The following SLC4A5 variants were observed in gnomAD, a reference collection of about 807,000 sequenced individuals.
SLC4A5 encodes the protein solute carrier family 4 member 5.
In SLC4A5, 96 loss-of-function variants were observed where a neutral mutation model predicts 120.4. The observed-to-expected ratio is 0.80, with a 90% CI of 0.68 to 0.94. SLC4A5 has a LOEUF of 0.94. Among genes scored for constraint, SLC4A5 ranks in the 40% least tolerant of loss-of-function variants. The pLI, the probability that SLC4A5 is intolerant of heterozygous loss-of-function variation, is 0.00. For synonymous variants in SLC4A5, 550 were observed against 571.1 expected (o/e 0.96, Z 0.53); for missense variants, 1,259 against 1,459.5 (o/e 0.86, Z 2.24).
rs74505583 is a variant in SLC4A5 at position 74,262,073 on chromosome 2, T to C, written c.811+64A>G. On this transcript the variant is annotated intron_variant, in intron 11 of 30. Coordinates refer to ENST00000394019, the Ensembl canonical transcript of SLC4A5. The stretch of plus-strand genomic sequence containing the variant: ...TTTGTCTCCCCCACCTATGGCAATG[T>C]GGCCATGTCACAGCTGCCACAGCCT... 5.4e-3 allele frequency: 7,934 copies of C among 1,458,406 alleles called. 368 individuals carry two copies. In the African/African-American group the frequency reaches 0.097, roughly 18 times the overall value. 90.3% of individuals were successfully genotyped at this position (1,458,406 alleles called of 1,614,324 possible).
intron 21 of SLC4A5, among the ~76,000 whole-genome samples, chr2:74,238,004 A>T (rs537568843): frequency 6.6e-6 from 1 of 152,146 alleles, no homozygotes; most frequent in Non-Finnish European, 1.5e-5. Context: ...TGGGAGGCTG[A>T]GGCAGGAGAA....
chr2:74,223,625 T>A (rs1013259549), intron 28 of SLC4A5, among the ~76,000 whole-genome samples: 2 of 152,254 alleles, frequency 1.3e-5, no homozygotes, highest in African/African-American at 4.8e-5. Flanking sequence ...TATATCATAA[T>A]TCAGAGATTC....
chr2:74,264,489 CGTGTGTGTGTGT>C (rs59538523), intron 9 of SLC4A5, among the ~76,000 whole-genome samples, 190 bp from the exon 10 acceptor site: 2 of 143,752 alleles, frequency 1.4e-5, no homozygotes, highest in African/African-American at 2.6e-5. Context: ...TTCAAGGGCA[CGTGTGTGTGTGT>C]GTGTGTGTGT....
chr2:74,290,464 G>A (rs1271040971), intron 7 of SLC4A5: 44 of 985,348 alleles, frequency 4.5e-5, no homozygotes, highest in Non-Finnish European at 5.1e-5. Flanking sequence ...AATGTGTGAA[G>A]GACTGGGGAG....
chr2:74,223,858 G>A (rs1694747504), intron 28 of SLC4A5, among the ~76,000 whole-genome samples: 1 of 152,156 alleles, frequency 6.6e-6, no homozygotes, highest in South Asian at 2.1e-4. Flanking sequence ...TCAGAAGATG[G>A]TTTAATCACC....
chr2:74,290,489 T>C, intron 7 of SLC4A5: 1 of 985,104 alleles, frequency 1.0e-6, no homozygotes, highest in Middle Eastern at 5.2e-4. Flanking sequence ...AGAGAGAGGC[T>C]ATATGTAGAG....
chr2:74,301,185 G>A (rs1209724379), intron 7 of SLC4A5, among the ~76,000 whole-genome samples: 1 of 152,086 alleles, frequency 6.6e-6, no homozygotes, highest in Admixed American at 6.5e-5. Flanking sequence ...CCTGGCCTTT[G>A]TTTCAACTTT....
intron 5 of SLC4A5, among the ~76,000 whole-genome samples, chr2:74,323,009 C>T (rs1226632787): frequency 1.3e-5 from 2 of 152,110 alleles, no homozygotes; most frequent in African/African-American, 2.4e-5. Context: ...GAGGCTAAGG[C>T]GGGTGGATCA....
chr2:74,336,316 A>G (rs1437293400), intron 3 of SLC4A5, among the ~76,000 whole-genome samples: 2 of 152,050 alleles, frequency 1.3e-5, no homozygotes, highest in East Asian at 3.9e-4. Context: ...CAATCCTCCC[A>G]CCTCAGCCTC....
chr2:74,253,070 T>C, exon 15 of SLC4A5: 1 of 1,614,190 alleles, frequency 6.2e-7, no homozygotes, highest in Non-Finnish European at 8.5e-7. Flanking sequence ...CAGAAATTCA[T>C]CAATTCCTGC....
chr2:74,219,304 G>A (rs1219360496), intron 30 of SLC4A5, among the ~76,000 whole-genome samples: 1 of 151,006 alleles, frequency 6.6e-6, no homozygotes, highest in Non-Finnish European at 1.5e-5. Context: ...TCTATGTCTG[G>A]CAGATTCCAG....
At position 74,309,822 on chromosome 2, in the gene SLC4A5, AT is replaced by A. The variant is rs913645940; in HGVS notation, c.79+5122del. On this transcript the variant is annotated intron_variant, in intron 6 of 30. Coordinates refer to ENST00000394019, the Ensembl canonical transcript of SLC4A5. ...AGGTGCCCACCACCACGCCCGGCTAATTTTTTTTTTTGTATTTTTTTAGTAG... is the reference window on the plus strand; with the variant it reads ...AGGTGCCCACCACCACGCCCGGCTAATTTTTTTTTTGTATTTTTTTAGTAG... Among the ~76,000 whole-genome samples the A allele has an allele frequency of 4.0e-3, 584 of 145,622 alleles. 7 individuals are homozygous for A. The highest frequency in any genetic ancestry group is 0.012 in the African/African-American group (479 of 39,958).
In SLC4A5 at chr2:74,328,031, A is replaced by G. The variant is rs1673259827; in HGVS notation, c.-3+89T>C. On this transcript the variant is annotated intron_variant, in intron 5 of 30. Coordinates refer to ENST00000394019, the Ensembl canonical transcript of SLC4A5. ...TTCAGTGTGTGTGAAGCTTACTCTT[A>G]AATACTCTGTGTTCATGCTATGAAA... 7.4e-6 allele frequency: 5 copies of G among 676,600 alleles called. No individual in the cohort carries two copies. In the South Asian group the frequency reaches 2.0e-4, roughly 27 times the overall value. 41.9% of individuals were successfully genotyped at this position (676,600 alleles called of 1,614,324 possible).
At chr2:74,252,345 A>T in exon 16 of SLC4A5, 1 of 1,613,728 alleles carries the variant, frequency 6.2e-7, no homozygotes, top group Non-Finnish European at 8.5e-7. Context: ...CCTCCCACAG[A>T]GCCATTCATC....
intron 12 of SLC4A5, among the ~76,000 whole-genome samples, chr2:74,257,639 G>A (rs1454181203): frequency 6.6e-6 from 1 of 151,894 alleles, no homozygotes; most frequent in Non-Finnish European, 1.5e-5. Context: ...GAGTGCAGTG[G>A]CACCATCTTG....
chr2:74,237,411 A>G (rs922041075), intron 21 of SLC4A5, among the ~76,000 whole-genome samples: 2 of 152,192 alleles, frequency 1.3e-5, no homozygotes, highest in Admixed American at 6.5e-5. Flanking sequence ...GAATTTTTAC[A>G]TAAGAGGAGA....
exon 15 of SLC4A5, chr2:74,253,050 T>G: frequency 6.2e-7 from 1 of 1,614,232 alleles, no homozygotes; most frequent in Non-Finnish European, 8.5e-7. Flanking sequence ...GGAAGGACGA[T>G]GACCTCATCC....
rs530520596 is a variant in SLC4A5 at position 74,300,244 on chromosome 2, T to A, written c.271+4245A>T. Among the ~76,000 whole-genome samples, 4 of 152,300 alleles carry A rather than the reference T, an allele frequency of 2.6e-5. No individual in the cohort carries two copies. The East Asian group carries it at 7.7e-4, about 29-fold the overall frequency. ...GGGAGATGTTGGTCAAAGATAAAAA[T>A]ATTCCAGGGATCTAATGTACTGCAT... On this transcript the variant is annotated intron_variant, in intron 7 of 30. Coordinates refer to ENST00000394019, the Ensembl canonical transcript of SLC4A5.
At chr2:74,299,012 G>A (rs1446180082) in intron 7 of SLC4A5, among the ~76,000 whole-genome samples, 3 of 152,180 alleles carry the variant, frequency 2.0e-5, no homozygotes, top group Admixed American at 1.3e-4. Flanking sequence ...CCTGGTGGCA[G>A]GTAATTTAAT....
Sources: gnomAD v4.1 joint callset for allele counts (sites outside exome capture counted in the v4.1 genomes callset) on GRCh38, gnomAD v4.1.1 for gene constraint, MANE v1.5 for transcripts, NCBI Gene and HGNC (gene_info 2026-07-23, HGNC 2026-07-21) for gene names.